Variants in TRIM38 observed in about 807,000 individuals in gnomAD.
TRIM38 encodes E3 ubiquitin-protein ligase TRIM38.
Under a neutral mutation model 35.8 loss-of-function variants are expected in TRIM38, and 35 were observed. The ratio of observed to expected loss-of-function variants is 0.98; its 90% CI spans 0.75 to 1.30. TRIM38 has a LOEUF of 1.30. Ranked by LOEUF, TRIM38 falls within the 50% of genes most tolerant of loss-of-function variation. The pLI is 0.00. For synonymous variants in TRIM38, 198 were observed against 204.7 expected (o/e 0.97, Z 0.28); for missense variants, 545 against 556.9 (o/e 0.98, Z 0.21).
At chr6:25,967,844 A>T (rs528395710) in intron 3 of TRIM38, among the ~76,000 whole-genome samples, 1 of 152,206 alleles carries the variant, frequency 6.6e-6, no homozygotes, top group East Asian at 1.9e-4. Context: ...TGGCATGTCT[A>T]TGATAAAAGG....
intron 7 of TRIM38, among the ~76,000 whole-genome samples, chr6:25,980,361 T>C (rs1413529833): frequency 6.6e-6 from 1 of 152,186 alleles, no homozygotes; most frequent in Admixed American, 6.5e-5. Context: ...AATTCACTAA[T>C]AATGTAGTAC....
At position 25,989,860 on chromosome 6, in the gene TRIM38, TTAGA is replaced by T. The variant is rs887078323; in HGVS notation, c.*6177_*6180del. On this transcript the variant is annotated 3_prime_UTR_variant, in exon 8 of 8. Transcript: ENST00000357085. The stretch of plus-strand genomic sequence containing the variant: ...GCCAAATTTACTAGCTTAGATACTA[TTAGA>T]TAGTCAATATTTTTTGTTGGATATT... 6 of 152,188 alleles carry T rather than the reference TTAGA, an allele frequency of 3.9e-5. No homozygotes were observed. Among genetic ancestry groups the T allele is most frequent in the African/African-American group, 9.7e-5 (4 of 41,450 alleles). 9.4% of individuals were successfully genotyped at this position (152,188 alleles called of 1,614,324 possible).
Position 25,985,478 on chromosome 6 carries a change from A to G in TRIM38, c.*1791A>G, listed in dbSNP as rs1430943710. 6.6e-6 allele frequency: 1 copy of G among 152,204 alleles called. No homozygotes were observed. Among genetic ancestry groups the G allele is most frequent in the Non-Finnish European group, 1.5e-5 (1 of 68,042 alleles). The allele number at this position is 152,204 out of a possible 1,614,324, so 9.4% of individuals were successfully genotyped here. ...TCTCAGTACTCCCCTGTGTTTGTAC[A>G]ATGCACATGCTTTGTTTCTGTCTTG... On this transcript the variant is annotated 3_prime_UTR_variant, in exon 8 of 8. Transcript: ENST00000357085.
intron 7 of TRIM38, 74 bp downstream of exon 7, chr6:25,973,359 C>G: frequency 6.4e-7 from 1 of 1,560,656 alleles, no homozygotes; most frequent in Non-Finnish European, 8.7e-7. Flanking sequence ...TACCACCTGT[C>G]CCTTGGCAGG....
Position 25,966,911 on chromosome 6 carries a change from A to G in TRIM38, c.389A>G (p.Glu130Gly), listed in dbSNP as rs142751712. The change falls in exon 3 of 8, where the codon GAA becomes GGA. Residue 130 changes from glutamate (E) to glycine (G), a missense_variant. Glu to Gly is a moderately conservative substitution (Grantham distance 98). Coordinates refer to ENST00000357085, the MANE Select transcript of TRIM38 (RefSeq NM_006355.5). ...AAAGGGCACACCACAGCTCTTGTTG[A>G]AGACGTATGCCAGGGCTACAAGGTG... ...QHKGHTTALV[E>G]DVCQGYKEKL... 8.4e-5 allele frequency: 135 copies of G among 1,609,770 alleles called. 1 individual carries two copies. In the East Asian group the frequency reaches 2.1e-3, roughly 25 times the overall value.
Position 25,983,946 on chromosome 6 carries a change from G to T in TRIM38, c.*259G>T. The stretch of plus-strand genomic sequence containing the variant: ...GTTGCTGTCTCCATCCGTCTTTAAT[G>T]GGTCAGGGCTTTGATTTCCAAGGGT... On this transcript the variant is annotated 3_prime_UTR_variant, in exon 8 of 8. Transcript: ENST00000357085. 1 of 352,674 alleles carries T rather than the reference G, an allele frequency of 2.8e-6. No homozygotes were observed. The highest frequency in any genetic ancestry group is 5.1e-6 in the Non-Finnish European group (1 of 195,154). 21.8% of individuals were successfully genotyped at this position (352,674 alleles called of 1,614,324 possible). A position where few individuals can be genotyped will look rare whatever the true frequency, so the allele number is the denominator to read the frequency against.
chr6:25,962,889 G>C (rs1759893303), intron 1 of TRIM38, 34 bp downstream of exon 1: 1 of 152,408 alleles, frequency 6.6e-6, no homozygotes, highest in South Asian at 2.1e-4. Flanking sequence ...TACGGAAAAG[G>C]TCCAGGCTAA....
At position 25,971,972 on chromosome 6, in the gene TRIM38, AAGAACAAC is replaced by A; in HGVS notation, c.615_622del (p.Glu205AspfsTer4). Reference sequence around the variant, plus strand: ...TCTTATCTCTGGAGGCTGGAGAAAGAAGAACAACAGACTCTGAGTAGACTGAGGGACTA... The same window carrying A: ...TCTTATCTCTGGAGGCTGGAGAAAGAAGACTCTGAGTAGACTGAGGGACTA... On this transcript the variant is annotated frameshift_variant, in exon 5 of 8. Transcript: ENST00000357085. LOFTEE classifies it high-confidence loss of function. The A allele has an allele frequency of 6.2e-7, 1 of 1,614,170 alleles. No individual in the cohort carries two copies. Among genetic ancestry groups the A allele is most frequent in the Non-Finnish European group, 8.5e-7 (1 of 1,180,032 alleles).
rs1399906285 is a variant in TRIM38, at chr6:25,987,990, G to T, written c.*4303G>T. On this transcript the variant is annotated 3_prime_UTR_variant, in exon 8 of 8. Transcript: ENST00000357085. ...TTACTCCGGACCAGATTGAAGACTA[G>T]CCGAAACAGGGACGAGGTTAAAGCA... 1 of 152,176 alleles carries T rather than the reference G, an allele frequency of 6.6e-6. No individual in the cohort carries two copies. The highest frequency in any genetic ancestry group is 1.5e-5 in the Non-Finnish European group (1 of 68,032). 9.4% of individuals were successfully genotyped at this position (152,176 alleles called of 1,614,324 possible). A position where few individuals can be genotyped will look rare whatever the true frequency, so the allele number is the denominator to read the frequency against.
At position 25,987,926 on chromosome 6, in the gene TRIM38, T is replaced by C. The variant is rs1472136805; in HGVS notation, c.*4239T>C. On this transcript the variant is annotated 3_prime_UTR_variant, in exon 8 of 8. Transcript: ENST00000357085. ...TCTTTTCTAGAGTGTCATACAGTTGTGAAGCAGGAAGCAGGAGTGAACTCC... is the reference window on the plus strand; with the variant it reads ...TCTTTTCTAGAGTGTCATACAGTTGCGAAGCAGGAAGCAGGAGTGAACTCC... 6.6e-6 allele frequency: 1 copy of C among 152,158 alleles called. No homozygotes were observed. Among genetic ancestry groups the C allele is most frequent in the Non-Finnish European group, 1.5e-5 (1 of 68,016 alleles). The allele number at this position is 152,158 out of a possible 1,614,324, so 9.4% of individuals were successfully genotyped here. A position where few individuals can be genotyped will look rare whatever the true frequency, so the allele number is the denominator to read the frequency against.
intron 7 of TRIM38, among the ~76,000 whole-genome samples, chr6:25,979,017 A>G (rs1031730100): frequency 3.9e-5 from 6 of 152,124 alleles, no homozygotes; most frequent in Non-Finnish European, 8.8e-5. Flanking sequence ...GTCATATATG[A>G]CAATCTAGAT....
chr6:25,969,247 T>C lies in TRIM38; in HGVS notation c.412-78T>C, dbSNP rs1000449235. 49 of 1,039,306 alleles carry C rather than the reference T, an allele frequency of 4.7e-5. No homozygotes were observed. The South Asian group carries it at 6.8e-4, about 14-fold the overall frequency. The allele number at this position is 1,039,306 out of a possible 1,614,324, so 64.4% of individuals were successfully genotyped here. ...TATTCACTATTATTCAAATATATCT[T>C]AGAAGATTGGGATTCCCCCTAGGTC... On this transcript the variant is annotated intron_variant, in intron 3 of 7. Transcript: ENST00000357085.
Position 25,966,923 on chromosome 6 carries a change from A to C in TRIM38, c.401A>C (p.Gln134Pro), listed in dbSNP as rs1383772570. The C allele has an allele frequency of 6.2e-7, 1 of 1,602,910 alleles. No individual in the cohort carries two copies. The highest frequency in any genetic ancestry group is 1.3e-5 in the African/African-American group (1 of 74,784). The change falls in exon 3 of 8, where the codon CAG becomes CCG. Residue 134 changes from glutamine to proline, a missense_variant. Coordinates refer to ENST00000357085, the MANE Select transcript of TRIM38 (RefSeq NM_006355.5). The stretch of plus-strand genomic sequence containing the variant: ...ACAGCTCTTGTTGAAGACGTATGCC[A>C]GGGCTACAAGGTGAGTGTGTGGGCC... ...HTTALVEDVC[Q>P]GYKEKLQKAV...
At chr6:25,969,193 C>T in intron 3 of TRIM38, 132 bp from the exon 4 acceptor site, 1 of 667,844 alleles carries the variant, frequency 1.5e-6, no homozygotes. Flanking sequence ...AGCATGCTCT[C>T]TAGCAAAAAA....
chr6:25,966,137 T>C (rs946807947), intron 2 of TRIM38, among the ~76,000 whole-genome samples, 198 bp from the exon 3 acceptor site: 12 of 152,260 alleles, frequency 7.9e-5, no homozygotes, highest in East Asian at 5.8e-4. Flanking sequence ...CAAAGAACAA[T>C]GTATAGCCAG....
chr6:25,975,238 G>T, intron 7 of TRIM38: 1 of 625,598 alleles, frequency 1.6e-6, no homozygotes, highest in Non-Finnish European at 2.0e-6. Context: ...TTGAGATGGA[G>T]TCTCGCTGTT....
At chr6:25,968,981 T>C (rs1760144929) in intron 3 of TRIM38, among the ~76,000 whole-genome samples, 1 of 152,238 alleles carries the variant, frequency 6.6e-6, no homozygotes, top group African/African-American at 2.4e-5. Context: ...GGCAGGACTC[T>C]AGTGGTGGAC....
intron 7 of TRIM38, chr6:25,973,741 G>A: frequency 4.1e-6 from 4 of 985,390 alleles, no homozygotes; most frequent in Non-Finnish European, 4.8e-6. Context: ...AAAAGTAGGT[G>A]AGTATGATAA....
In TRIM38 at chr6:25,989,805, T is replaced by A. The variant is rs957039774; in HGVS notation, c.*6118T>A. 1 of 152,108 alleles carries A rather than the reference T, an allele frequency of 6.6e-6. No individual in the cohort carries two copies. The highest frequency in any genetic ancestry group is 2.4e-5 in the African/African-American group (1 of 41,450). 9.4% of individuals were successfully genotyped at this position (152,108 alleles called of 1,614,324 possible). ...TCTTATAAATATGGTTTTCTTTTTT[T>A]AAATAAAAATTTAAGACATTTTATA... On this transcript the variant is annotated 3_prime_UTR_variant, in exon 8 of 8. Coordinates refer to ENST00000357085, the MANE Select transcript of TRIM38 (RefSeq NM_006355.5).
Sources: gnomAD v4.1 joint callset for allele counts (sites outside exome capture counted in the v4.1 genomes callset) on GRCh38, gnomAD v4.1.1 for gene constraint, MANE v1.5 for transcripts, NCBI Gene and HGNC (gene_info 2026-07-23, HGNC 2026-07-21) for gene names.